The following STARD13 variants were observed in gnomAD, a reference collection of about 807,000 sequenced individuals.
The protein encoded by STARD13 is stAR-related lipid transfer protein 13.
STARD13 carries 62 observed loss-of-function variants against 106.4 expected under a neutral mutation model. That is an observed-to-expected ratio of 0.58 (90% CI 0.48 to 0.72). The LOEUF (loss-of-function observed/expected upper bound fraction) is 0.72, where lower values mean the gene tolerates loss of function less well. Ranked by LOEUF, STARD13 falls within the 30% of genes least tolerant of loss-of-function variation. The pLI is 0.00. For synonymous variants in STARD13, 565 were observed against 553.0 expected (o/e 1.02, Z -0.31); for missense variants, 1,387 against 1,424.0 (o/e 0.97, Z 0.42).
At chr13:33,138,235 G>A (rs1220909428) in intron 4 of STARD13, among the ~76,000 whole-genome samples, 1 of 152,028 alleles carries the variant, frequency 6.6e-6, no homozygotes, top group Non-Finnish European at 1.5e-5. Context: ...TCAGTCTCTG[G>A]CTTTTACTTT....
chr13:33,445,554 T>A, the STARD13 span, among the ~76,000 whole-genome samples: 3 of 152,158 alleles, frequency 2.0e-5, no homozygotes, highest in Non-Finnish European at 4.4e-5. Context: ...TTTTCCTAAA[T>A]CACCCTTGTC....
At chr13:33,134,719 TTAGAGAA>T (rs1398364281) in intron 4 of STARD13, among the ~76,000 whole-genome samples, 4 of 152,190 alleles carry the variant, frequency 2.6e-5, no homozygotes, top group Non-Finnish European at 5.9e-5. Flanking sequence ...GTTATTGTTG[TTAGAGAA>T]TAGCAATATT....
At chr13:33,304,683 T>C (rs1430477439) in intron 1 of STARD13, among the ~76,000 whole-genome samples, 1 of 152,210 alleles carries the variant, frequency 6.6e-6, no homozygotes, top group Non-Finnish European at 1.5e-5. Flanking sequence ...TAAAAATTGA[T>C]ACATTTTATT....
At chr13:33,418,149 G>A in the STARD13 span, among the ~76,000 whole-genome samples, 2 of 152,226 alleles carry the variant, frequency 1.3e-5, no homozygotes, top group African/African-American at 4.8e-5. Context: ...CCTCACCCAG[G>A]AAGTGCAAGG....
chr13:33,450,706 T>C, the STARD13 span, among the ~76,000 whole-genome samples: 2 of 152,148 alleles, frequency 1.3e-5, no homozygotes, highest in African/African-American at 4.8e-5. Context: ...GGACATCATG[T>C]AGAGAATCAG....
the STARD13 span, among the ~76,000 whole-genome samples, chr13:33,428,624 C>T: frequency 3.9e-5 from 6 of 152,122 alleles, no homozygotes; most frequent in African/African-American, 1.4e-4. Flanking sequence ...GAGATCATCT[C>T]ATCCCAATTA....
At chr13:33,251,788 T>TA (rs1238907559) in intron 1 of STARD13, among the ~76,000 whole-genome samples, 1 of 152,212 alleles carries the variant, frequency 6.6e-6, no homozygotes, top group African/African-American at 2.4e-5. Flanking sequence ...AGATGGGGAT[T>TA]TTAGAAGTCT....
intron 3 of STARD13, 144 bp downstream of exon 3, chr13:33,165,193 G>A (rs1883177947): frequency 4.3e-6 from 3 of 697,638 alleles, no homozygotes; most frequent in Non-Finnish European, 5.1e-6. Context: ...ATTAACAGTA[G>A]TACATTTAGA....
At chr13:33,538,820 A>C in the STARD13 span, among the ~76,000 whole-genome samples, 4 of 149,632 alleles carry the variant, frequency 2.7e-5, no homozygotes, top group African/African-American at 9.9e-5. Flanking sequence ...CCCAGGCTGG[A>C]GTGCAGTGTT....
the STARD13 span, among the ~76,000 whole-genome samples, chr13:33,485,739 A>G: frequency 2.0e-5 from 3 of 152,208 alleles, no homozygotes; most frequent in Non-Finnish European, 4.4e-5. Flanking sequence ...TGATAGTACT[A>G]AAAGTCAAAT....
chr13:33,564,228 GAAA>G, the STARD13 span, among the ~76,000 whole-genome samples: 1 of 119,322 alleles, frequency 8.4e-6, no homozygotes, highest in Non-Finnish European at 1.8e-5. Context: ...AAAAAAAAAA[GAAA>G]AGATCTGAAC....
chr13:33,365,224 G>C, the STARD13 span, among the ~76,000 whole-genome samples: 1 of 152,266 alleles, frequency 6.6e-6, no homozygotes, highest in Non-Finnish European at 1.5e-5. Context: ...GTGGGGAAGG[G>C]TGGGAAGAGG....
the STARD13 span, among the ~76,000 whole-genome samples, chr13:33,445,929 A>C: frequency 6.6e-6 from 1 of 152,164 alleles, no homozygotes; most frequent in South Asian, 2.1e-4. Flanking sequence ...CCAACATTGA[A>C]ATTAAATTTC....
At chr13:33,288,432 G>A (rs1892159295), upstream of STARD13, among the ~76,000 whole-genome samples, 1 of 151,118 alleles carries the variant, frequency 6.6e-6, no homozygotes, top group South Asian at 2.1e-4. Flanking sequence ...CATCACACCT[G>A]GCCAATTAAA....
At chr13:33,191,674 G>A (rs1408317604) in intron 1 of STARD13, among the ~76,000 whole-genome samples, 11 of 152,180 alleles carry the variant, frequency 7.2e-5, no homozygotes, top group Admixed American at 7.2e-4. Flanking sequence ...AATCCAAATG[G>A]TTTATAAATT....
the STARD13 span, among the ~76,000 whole-genome samples, chr13:33,560,606 G>A: frequency 6.6e-6 from 1 of 151,232 alleles, no homozygotes; most frequent in South Asian, 2.1e-4. Flanking sequence ...AATGGGTTTT[G>A]GCAGCAACAG....
chr13:33,582,043 ACC>A, the STARD13 span, among the ~76,000 whole-genome samples: 1 of 151,760 alleles, frequency 6.6e-6, no homozygotes, highest in Non-Finnish European at 1.5e-5. Flanking sequence ...ACACAGTGAA[ACC>A]CCGTCTCTAC....
At chr13:33,318,483 G>C (rs901759802) in intron 1 of STARD13, among the ~76,000 whole-genome samples, 2 of 152,078 alleles carry the variant, frequency 1.3e-5, no homozygotes, top group African/African-American at 4.8e-5. Context: ...AAAACTCTTA[G>C]AAGAAAACAT....
intron 1 of STARD13, among the ~76,000 whole-genome samples, chr13:33,222,911 T>A (rs1359515526): frequency 1.3e-5 from 2 of 152,236 alleles, no homozygotes; most frequent in African/African-American, 4.8e-5. Context: ...CCAGGCTGAC[T>A]TTTCCTAAGA....
Sources: gnomAD v4.1 joint callset for allele counts (sites outside exome capture counted in the v4.1 genomes callset) on GRCh38, gnomAD v4.1.1 for gene constraint, MANE v1.5 for transcripts, NCBI Gene and HGNC (gene_info 2026-07-23, HGNC 2026-07-21) for gene names.